Variants in CNTNAP2 observed in about 807,000 individuals in gnomAD.
The protein encoded by CNTNAP2 is contactin-associated protein-like 2.
Under a neutral mutation model 155.2 loss-of-function variants are expected in CNTNAP2, and 98 were observed. The ratio of observed to expected loss-of-function variants is 0.63; its 90% CI spans 0.54 to 0.75. The LOEUF (loss-of-function observed/expected upper bound fraction) is 0.75. Among genes scored for constraint, CNTNAP2 ranks in the 30% least tolerant of loss-of-function variants. CNTNAP2 has a pLI of 0.00. For missense variants in CNTNAP2, 1,727 were observed against 1,688.1 expected (o/e 1.02, Z -0.40); for synonymous variants, 651 against 631.2 (o/e 1.03, Z -0.47).
intron 13 of CNTNAP2, among the ~76,000 whole-genome samples, chr7:147,848,955 A>G (rs184184684): frequency 5.3e-4 from 80 of 152,208 alleles, no homozygotes; most frequent in Middle Eastern, 6.8e-3. Flanking sequence ...TAACATCTCC[A>G]TATTAGAGAT....
chr7:147,077,546 CA>C (rs1218336400), intron 4 of CNTNAP2, among the ~76,000 whole-genome samples: 1 of 152,116 alleles, frequency 6.6e-6, no homozygotes, highest in Non-Finnish European at 1.5e-5. Flanking sequence ...ACTGTTTCTC[CA>C]GTCTTTTACC....
intron 1 of CNTNAP2, among the ~76,000 whole-genome samples, chr7:146,429,431 A>T (rs1016433966): frequency 6.6e-6 from 1 of 152,044 alleles, no homozygotes; most frequent in Admixed American, 6.6e-5. Flanking sequence ...CTCCTTGAAG[A>T]GGTCCTTTAC....
Position 146,222,440 on chromosome 7 carries a change from A to T in CNTNAP2, c.97+105467A>T, listed in dbSNP as rs527334207. Among the ~76,000 whole-genome samples, 15 of 152,272 alleles carry T rather than the reference A, an allele frequency of 9.9e-5. 1 individual carries two copies. Among genetic ancestry groups the T allele is most frequent in the Admixed American group, 9.8e-4 (15 of 15,292 alleles). On this transcript the variant is annotated intron_variant, in intron 1 of 23. Coordinates refer to ENST00000361727, the MANE Select transcript of CNTNAP2 (RefSeq NM_014141.6). ...ATCAATGGTCAGATATGTTAAAAAG[A>T]TGGAATTCCTGGTAGAGAGGATGGC... is the stretch of plus-strand genomic sequence containing the variant.
intron 1 of CNTNAP2, among the ~76,000 whole-genome samples, chr7:146,763,264 A>G (rs1333903940): frequency 3.3e-5 from 5 of 151,818 alleles, no homozygotes; most frequent in Admixed American, 6.6e-5. Flanking sequence ...TAGAATTACT[A>G]CTCCACAGAT....
chr7:147,054,970 A>G, intron 4 of CNTNAP2, among the ~76,000 whole-genome samples: 1 of 152,046 alleles, frequency 6.6e-6, no homozygotes, highest in Admixed American at 6.5e-5. Flanking sequence ...TAGGTTTTTC[A>G]CCTTTCATGC....
At chr7:146,953,048 TG>T (rs1251713133) in intron 3 of CNTNAP2, among the ~76,000 whole-genome samples, 3 of 152,048 alleles carry the variant, frequency 2.0e-5, no homozygotes, top group Non-Finnish European at 4.4e-5. Context: ...ATTGAAATCT[TG>T]GAAGTAAATG....
intron 16 of CNTNAP2, among the ~76,000 whole-genome samples, chr7:148,121,826 G>A (rs1434446788): frequency 6.6e-6 from 1 of 152,012 alleles, no homozygotes; most frequent in East Asian, 1.9e-4. Flanking sequence ...ATGCTTTAAT[G>A]GTAACATTTT....
chr7:147,972,334 T>C (rs910322521), intron 14 of CNTNAP2, among the ~76,000 whole-genome samples: 13 of 152,228 alleles, frequency 8.5e-5, no homozygotes, highest in African/African-American at 3.1e-4. Flanking sequence ...AATTACTGTA[T>C]AGGAAAACTC....
At chr7:146,587,018 C>T (rs1798702233) in intron 1 of CNTNAP2, among the ~76,000 whole-genome samples, 1 of 145,276 alleles carries the variant, frequency 6.9e-6, no homozygotes, top group Non-Finnish European at 1.5e-5. Flanking sequence ...TACCACCAAA[C>T]ATGAGCATTG....
chr7:148,024,312 C>T (rs1249152420), intron 15 of CNTNAP2, among the ~76,000 whole-genome samples: 4 of 152,102 alleles, frequency 2.6e-5, no homozygotes, highest in East Asian at 1.9e-4. Context: ...CCTCCATACC[C>T]GCTAGGCATG....
At chr7:146,919,342 G>A (rs1380483917) in intron 3 of CNTNAP2, among the ~76,000 whole-genome samples, 2 of 152,162 alleles carry the variant, frequency 1.3e-5, no homozygotes. Flanking sequence ...GGGACTCAAG[G>A]GCTGCTGTTC....
intron 15 of CNTNAP2, among the ~76,000 whole-genome samples, chr7:148,018,729 T>C (rs1563168956): frequency 6.6e-6 from 1 of 152,230 alleles, no homozygotes; most frequent in Non-Finnish European, 1.5e-5. Context: ...CAGACCTTTG[T>C]CGTGGGAAGG....
rs113166032 is a variant in CNTNAP2 at position 147,654,626 on chromosome 7, A to G, written c.2098+15320A>G. Reference sequence around the variant, plus strand: ...AGTTTTGAACCTCTCAAACTCACTCATGATGTTTGGAATCAACTTCTTTCA... The same window carrying G: ...AGTTTTGAACCTCTCAAACTCACTCGTGATGTTTGGAATCAACTTCTTTCA... On this transcript the variant is annotated intron_variant, in intron 13 of 23. Transcript: ENST00000361727. Among the ~76,000 whole-genome samples the G allele has an allele frequency of 5.3e-3, 813 of 152,182 alleles. 6 individuals carry two copies. The highest frequency in any genetic ancestry group is 0.018 in the African/African-American group (752 of 41,532).
intron 15 of CNTNAP2, among the ~76,000 whole-genome samples, chr7:148,083,173 G>A (rs1185831665): frequency 6.6e-6 from 1 of 152,174 alleles, no homozygotes; most frequent in Non-Finnish European, 1.5e-5. Context: ...GCTTTGTTGT[G>A]TTGCTTTGTC....
At chr7:146,584,060 C>G (rs1322173769) in intron 1 of CNTNAP2, among the ~76,000 whole-genome samples, 1 of 152,110 alleles carries the variant, frequency 6.6e-6, no homozygotes, top group Admixed American at 6.6e-5. Context: ...GTTTTCATAT[C>G]TATTTCTTCA....
chr7:146,477,751 G>A (rs1388429904), intron 1 of CNTNAP2, among the ~76,000 whole-genome samples: 1 of 151,856 alleles, frequency 6.6e-6, no homozygotes, highest in Non-Finnish European at 1.5e-5. Context: ...TTATTATTTA[G>A]AGACTGTGAT....
intron 8 of CNTNAP2, among the ~76,000 whole-genome samples, chr7:147,285,169 A>G (rs1446990490): frequency 1.4e-5 from 2 of 143,930 alleles, no homozygotes; most frequent in Non-Finnish European, 3.0e-5. Context: ...TATTCAAATC[A>G]TAAAGGATTG....
chr7:148,095,277 G>T (rs759820319), intron 15 of CNTNAP2, among the ~76,000 whole-genome samples: 7 of 152,184 alleles, frequency 4.6e-5, no homozygotes, highest in Non-Finnish European at 4.4e-5. Context: ...TGTGGGGCTT[G>T]CCAAGCTACT....
intron 8 of CNTNAP2, among the ~76,000 whole-genome samples, chr7:147,183,273 A>C (rs752143084): frequency 1.3e-5 from 2 of 152,218 alleles, no homozygotes; most frequent in Non-Finnish European, 2.9e-5. Flanking sequence ...TTAAGTCATC[A>C]ATACTGTTTT....
Sources: allele counts gnomAD v4.1 joint callset (sites outside exome capture counted in the v4.1 genomes callset), GRCh38; gene constraint gnomAD v4.1.1; transcripts MANE v1.5; gene names NCBI Gene and HGNC (gene_info 2026-07-23, HGNC 2026-07-21).